ALDH1L2: variants seen among roughly 807,000 people sequenced by gnomAD.
ALDH1L2 encodes the protein aldehyde dehydrogenase 1 family member L2, also known as mitochondrial 10-formyltetrahydrofolate dehydrogenase.
ALDH1L2 carries 91 observed loss-of-function variants against 111.0 expected under a neutral mutation model. That is an observed-to-expected ratio of 0.82 (90% CI 0.69 to 0.98). The LOEUF is 0.98. Among genes scored for constraint, ALDH1L2 ranks in the 50% least tolerant of loss-of-function variants. ALDH1L2 has a pLI of 0.00. For synonymous variants in ALDH1L2, 374 were observed against 392.6 expected, an observed-to-expected ratio of 0.95 and a Z score of 0.56; for missense variants, 995 against 1,126.8, an observed-to-expected ratio of 0.88 and a Z score of 1.67.
At chr12:105,056,204 A>T (rs1301199515) in intron 10 of ALDH1L2, among the ~76,000 whole-genome samples, 1 of 152,138 alleles carries the variant, frequency 6.6e-6, no homozygotes, top group African/African-American at 2.4e-5. Context: ...CCTTAATAAA[A>T]TTACCAGTTG....
chr12:105,061,837 A>G lies in ALDH1L2; in HGVS notation c.922-85T>C, dbSNP rs542815527. ...GCTGGTGGGAGGAGTCCTATAGATTATATGCATATAAGGGCAAGTTTATTT... is the reference window on the plus strand; with the variant it reads ...GCTGGTGGGAGGAGTCCTATAGATTGTATGCATATAAGGGCAAGTTTATTT... On this transcript the variant is annotated intron_variant, in intron 7 of 22. Coordinates refer to ENST00000258494, the MANE Select transcript of ALDH1L2 (RefSeq NM_001034173.4). The G allele has an allele frequency of 1.9e-5, 29 of 1,513,746 alleles. 1 individual carries two copies. In the East Asian group the frequency reaches 4.1e-4, roughly 21 times the overall value. 93.8% of individuals were successfully genotyped at this position (1,513,746 alleles called of 1,614,324 possible).
At chr12:105,065,210 C>T in intron 6 of ALDH1L2, 57 bp downstream of exon 6, 4 of 1,252,804 alleles carry the variant, frequency 3.2e-6, no homozygotes, top group Non-Finnish European at 4.5e-6. Flanking sequence ...TCTGTAATAT[C>T]TCTTACAAAG....
rs1473599604 is a variant in ALDH1L2 at position 105,024,444 on chromosome 12, T to G, written c.2752A>C (p.Thr918Pro). Residue 918 changes from threonine (T) to proline (P), a missense_variant, in exon 23 of 23, where the codon ACG (threonine) becomes CCG (proline). Transcript: ENST00000258494. The stretch of plus-strand genomic sequence containing the variant: ...TTGCTCTAATATTCCAGTGTCACCG[T>G]CTTGGTTTTGAGATATTCATTTAGA... ...EALNEYLKTKTVTLEY is the reference protein window; with the variant it reads ...EALNEYLKTKPVTLEY The G allele has an allele frequency of 6.2e-7, 1 of 1,614,034 alleles. No individual in the cohort carries two copies. The highest frequency in any genetic ancestry group is 1.7e-5 in the Admixed American group (1 of 60,010).
intron 12 of ALDH1L2, among the ~76,000 whole-genome samples, chr12:105,051,687 T>C (rs778401313): frequency 1.6e-4 from 24 of 152,202 alleles, no homozygotes; most frequent in Non-Finnish European, 2.4e-4. Context: ...ACATATTTCA[T>C]ATTAGGTGAA....
chr12:105,043,946 A>G (rs867254869), intron 15 of ALDH1L2, among the ~76,000 whole-genome samples: 1 of 152,252 alleles, frequency 6.6e-6, no homozygotes, highest in African/African-American at 2.4e-5. Context: ...CACATATAAC[A>G]AAGCAGACAA....
Position 105,022,420 on chromosome 12 carries a change from A to T in ALDH1L2, c.*2004T>A, listed in dbSNP as rs543781722. On this transcript the variant is annotated 3_prime_UTR_variant, in exon 23 of 23. Transcript: ENST00000258494. ...GAGTTTTGCAGCCCAGAGAATATTT[A>T]AAACACTGCTACTGAGATGAATATT... is the stretch of plus-strand genomic sequence containing the variant. 2 of 152,338 alleles carry T rather than the reference A, an allele frequency of 1.3e-5. No homozygotes were observed. Among genetic ancestry groups the T allele is most frequent in the African/African-American group, 4.8e-5 (2 of 41,590 alleles). 9.4% of individuals were successfully genotyped at this position (152,338 alleles called of 1,614,324 possible). A position where few individuals can be genotyped will look rare whatever the true frequency, so the allele number is the denominator to read the frequency against.
In ALDH1L2 at chr12:105,070,807, G is replaced by A; in HGVS notation, c.194-3C>T. ...CCCATCTTTCTCTGCAGCCAAAGCT[G>A]AGCATAAAAAAGAAGATTTTTTTTT... On this transcript the variant is annotated splice_region_variant and splice_polypyrimidine_tract_variant and intron_variant, in intron 2 of 22. Transcript: ENST00000258494. The A allele has an allele frequency of 6.3e-7, 1 of 1,599,482 alleles. No individual in the cohort carries two copies. Among genetic ancestry groups the A allele is most frequent in the South Asian group, 1.1e-5 (1 of 87,868 alleles).
intron 1 of ALDH1L2, chr12:105,074,279 G>A (rs918922303): frequency 1.3e-4 from 37 of 278,650 alleles, no homozygotes; most frequent in African/African-American, 2.0e-4. Context: ...CCAACATGGC[G>A]AAACCCTGTC....
In ALDH1L2 at chr12:105,024,263, C is replaced by T. The variant is rs1442410735; in HGVS notation, c.*161G>A. 1 of 689,436 alleles carries T rather than the reference C, an allele frequency of 1.5e-6. No individual in the cohort carries two copies. Among genetic ancestry groups the T allele is most frequent in the Non-Finnish European group, 2.5e-6 (1 of 398,252 alleles). 42.7% of individuals were successfully genotyped at this position (689,436 alleles called of 1,614,324 possible). ...AGGTGTATTAGAAAATACTCAGGCA[C>T]ATGTGTAAATGCTTTAACATGGCCT... is the stretch of plus-strand genomic sequence containing the variant. On this transcript the variant is annotated 3_prime_UTR_variant, in exon 23 of 23. Transcript: ENST00000258494.
At chr12:105,057,772 T>A (rs1876723641) in intron 10 of ALDH1L2, among the ~76,000 whole-genome samples, 1 of 152,222 alleles carries the variant, frequency 6.6e-6, no homozygotes, top group African/African-American at 2.4e-5. Context: ...GAACATTTTT[T>A]GTATGAGGTA....
chr12:105,038,277 CAA>C (rs774501569), intron 17 of ALDH1L2, 75 bp from the exon 18 acceptor site: 10,773 of 258,934 alleles, frequency 0.042, 161 homozygotes, highest in Admixed American at 0.054. Flanking sequence ...CACACACACA[CAA>C]ACACACACAC....
At chr12:105,050,152 A>T in intron 12 of ALDH1L2, 94 bp from the exon 13 acceptor site, 2 of 1,249,060 alleles carry the variant, frequency 1.6e-6, no homozygotes, top group Non-Finnish European at 2.1e-6. Flanking sequence ...ATTCAGAGGT[A>T]AACACATATG....
intron 13 of ALDH1L2, 137 bp downstream of exon 13, chr12:105,049,771 G>T (rs1439457268): frequency 2.1e-6 from 2 of 946,794 alleles, no homozygotes; most frequent in Non-Finnish European, 3.0e-6. Context: ...TGTTACAGCA[G>T]CATAAAATGG....
intron 1 of ALDH1L2, among the ~76,000 whole-genome samples, chr12:105,074,457 C>CAAAAAAAAAAAAAAAAAAAAAA (rs1565974203): frequency 6.4e-5 from 6 of 93,672 alleles, no homozygotes; most frequent in African/African-American, 2.7e-4. Context: ...GACTCTGTCT[C>CAAAAAAAAAAAAAAAAAAAAAA]CAAAAAAAAA....
At position 105,063,065 on chromosome 12, in the gene ALDH1L2, G is replaced by T. The variant is rs766138617; in HGVS notation, c.787-43C>A. 8.2e-6 allele frequency: 13 copies of T among 1,591,610 alleles called. No individual in the cohort carries two copies. The East Asian group carries it at 2.0e-4, about 25-fold the overall frequency. On this transcript the variant is annotated intron_variant, in intron 6 of 22. Transcript: ENST00000258494. ...CACAGATTGTAAAATCAGGAGAAAAGCTGTTCATAGCGGTATGTATAAGCA... is the reference window on the plus strand; with the variant it reads ...CACAGATTGTAAAATCAGGAGAAAATCTGTTCATAGCGGTATGTATAAGCA...
intron 19 of ALDH1L2, 50 bp from the exon 20 acceptor site, chr12:105,031,984 G>C: frequency 1.3e-6 from 2 of 1,585,188 alleles, no homozygotes; most frequent in Non-Finnish European, 1.7e-6. Context: ...AATAATAATG[G>C]AGTTTCTACC....
intron 15 of ALDH1L2, among the ~76,000 whole-genome samples, chr12:105,044,231 A>G (rs1370989555): frequency 6.6e-6 from 1 of 152,190 alleles, no homozygotes; most frequent in Non-Finnish European, 1.5e-5. Context: ...GTATGCACTC[A>G]AAGAATGTTT....
At position 105,049,945 on chromosome 12, in the gene ALDH1L2, G is replaced by A; in HGVS notation, c.1649C>T (p.Thr550Ile). 1.2e-6 allele frequency: 2 copies of A among 1,611,972 alleles called. No individual in the cohort carries two copies. The highest frequency in any genetic ancestry group is 1.7e-6 in the Non-Finnish European group (2 of 1,178,926). The change falls in exon 13 of 23, where the codon ACA (threonine) becomes ATA (isoleucine). Residue 550 changes from threonine to isoleucine, a missense_variant. Physicochemically the swap from Thr to Ile is moderately conservative, Grantham distance 89. Coordinates refer to ENST00000258494, the MANE Select transcript of ALDH1L2 (RefSeq NM_001034173.4). Reference protein sequence around the residue: ...LKTHIGMSVQTFRYFAGWCDK... With the variant: ...LKTHIGMSVQIFRYFAGWCDK... ...GCACCAGCCAGCAAAATATCTGAAT[G>A]TTTGCACAGACATTCCAATGTGTGT...
At chr12:105,072,956 A>G (rs946586799) in intron 2 of ALDH1L2, among the ~76,000 whole-genome samples, 6 of 152,244 alleles carry the variant, frequency 3.9e-5, no homozygotes, top group Non-Finnish European at 7.3e-5. Flanking sequence ...CCTGGGCAAC[A>G]GAGTTAGACT....
Sources: gnomAD v4.1 joint callset for allele counts (sites outside exome capture counted in the v4.1 genomes callset) on GRCh38, gnomAD v4.1.1 for gene constraint, MANE v1.5 for transcripts, NCBI Gene and HGNC (gene_info 2026-07-23, HGNC 2026-07-21) for gene names.